The following GREM2 variants were observed in gnomAD, a reference collection of about 807,000 sequenced individuals.
GREM2 encodes the protein gremlin 2, DAN family BMP antagonist, also known as gremlin-2.
A neutral mutation model predicts 14.2 loss-of-function variants in GREM2; 11 were observed. The observed-to-expected ratio is 0.78, with a 90% confidence interval of 0.49 to 1.28. GREM2 has a LOEUF of 1.28. GREM2 is among the 50% of genes most tolerant of loss of function. GREM2 has a pLI of 0.00. For missense variants in GREM2, 210 were observed against 218.5 expected (o/e 0.96, Z 0.24); for synonymous variants, 98 against 97.6 (o/e 1.00, Z -0.02).
At chr1:240,586,388 G>A (rs578247264) in intron 1 of GREM2, among the ~76,000 whole-genome samples, 1 of 152,146 alleles carries the variant, frequency 6.6e-6, no homozygotes, top group African/African-American at 2.4e-5. Flanking sequence ...TCCTTTCTCT[G>A]TGAAGAACAA....
chr1:240,608,014 G>A lies in GREM2; in HGVS notation c.-2+3870C>T, dbSNP rs537007694. On this transcript the variant is annotated intron_variant, in intron 1 of 1. Transcript: ENST00000318160. ...GCAACCATACTGTTGATGATTAATT[G>A]TTATTATCTTATAATTATACAAAGA... Among the ~76,000 whole-genome samples, 137 of 152,294 alleles carry A rather than the reference G, an allele frequency of 9.0e-4. 4 individuals carry two copies. The South Asian group carries it at 0.019, about 21-fold the overall frequency.
intron 1 of GREM2, among the ~76,000 whole-genome samples, chr1:240,544,405 C>T (rs1177543108): frequency 1.3e-5 from 2 of 152,094 alleles, no homozygotes; most frequent in Non-Finnish European, 1.5e-5. Flanking sequence ...CCTTGGCCTC[C>T]CAAAGTGCTG....
At chr1:240,578,849 T>A (rs1572407933) in intron 1 of GREM2, among the ~76,000 whole-genome samples, 1 of 151,954 alleles carries the variant, frequency 6.6e-6, no homozygotes, top group African/African-American at 2.4e-5. Context: ...TTCAAGACTC[T>A]TCAGTAGACC....
intron 1 of GREM2, among the ~76,000 whole-genome samples, chr1:240,563,067 A>ATG (rs565407209): frequency 3.6e-5 from 5 of 140,578 alleles, no homozygotes; most frequent in African/African-American, 1.1e-4. Flanking sequence ...GTGAGTGTGT[A>ATG]TGTGTGTATA....
chr1:240,512,651 A>G (rs868098497), intron 1 of GREM2, among the ~76,000 whole-genome samples: 2 of 152,346 alleles, frequency 1.3e-5, no homozygotes, highest in Middle Eastern at 6.8e-3. Flanking sequence ...AAAAAACGAT[A>G]AAAGCAATAT....
At chr1:240,594,195 C>T (rs1315439607) in intron 1 of GREM2, among the ~76,000 whole-genome samples, 2 of 152,082 alleles carry the variant, frequency 1.3e-5, no homozygotes, top group South Asian at 2.1e-4. Context: ...CTCAAGTGAT[C>T]CTCCTGCCTT....
intron 1 of GREM2, among the ~76,000 whole-genome samples, chr1:240,587,934 C>G (rs1371735613): frequency 6.6e-6 from 1 of 152,110 alleles, no homozygotes; most frequent in African/African-American, 2.4e-5. Flanking sequence ...CTTACCATTT[C>G]TGTGCCCTCC....
intron 1 of GREM2, among the ~76,000 whole-genome samples, chr1:240,534,945 C>T (rs4587552): frequency 0.92 from 140,595 of 152,074 alleles, 65,002 homozygotes; most frequent in East Asian, 0.95. Flanking sequence ...CACAGCAGGA[C>T]GAGTGGGTCT....
At position 240,490,820 on chromosome 1, in the gene GREM2, G is replaced by T. The variant is rs1048124310; in HGVS notation, c.*2149C>A. On this transcript the variant is annotated 3_prime_UTR_variant, in exon 2 of 2. Transcript: ENST00000318160. The stretch of plus-strand genomic sequence containing the variant: ...ATGATAGGGGTTGGCTCTGCAGCTG[G>T]TCAGAGACTCTCCTCCACTCACCTC... The T allele has an allele frequency of 2.2e-4, 33 of 152,118 alleles. No homozygotes were observed. The highest frequency in any genetic ancestry group is 8.0e-4 in the African/African-American group (33 of 41,410). 9.4% of individuals were successfully genotyped at this position (152,118 alleles called of 1,614,324 possible).
At position 240,549,301 on chromosome 1, in the gene GREM2, A is replaced by T. The variant is rs141034461; in HGVS notation, c.-1-55825T>A. Among the ~76,000 whole-genome samples, 1,358 of 150,640 alleles carry T rather than the reference A, an allele frequency of 9.0e-3. 20 individuals are homozygous for T. The highest frequency in any genetic ancestry group is 0.032 in the African/African-American group (1,293 of 40,846). ...CGGTGAGCCAAGATCACACCATTACACTCTAGCCTGGGCAACAAGAGAGAA... is the reference window on the plus strand; with the variant it reads ...CGGTGAGCCAAGATCACACCATTACTCTCTAGCCTGGGCAACAAGAGAGAA... On this transcript the variant is annotated intron_variant, in intron 1 of 1. Coordinates refer to ENST00000318160, the MANE Select transcript of GREM2 (RefSeq NM_022469.4).
intron 1 of GREM2, among the ~76,000 whole-genome samples, chr1:240,551,134 C>T (rs1455954229): frequency 6.6e-6 from 1 of 152,096 alleles, no homozygotes; most frequent in African/African-American, 2.4e-5. Flanking sequence ...GGAGCTGATC[C>T]AAGCACAGAG....
At chr1:240,514,899 C>A (rs1462866008) in intron 1 of GREM2, among the ~76,000 whole-genome samples, 1 of 151,982 alleles carries the variant, frequency 6.6e-6, no homozygotes, top group Non-Finnish European at 1.5e-5. Flanking sequence ...AGCCTCTGTG[C>A]CTCTGCACTC....
intron 1 of GREM2, among the ~76,000 whole-genome samples, chr1:240,582,562 G>C (rs767464900): frequency 2.0e-5 from 3 of 151,968 alleles, no homozygotes; most frequent in African/African-American, 7.3e-5. Flanking sequence ...TTGGGAGGCC[G>C]AGACAGGTGG....
intron 1 of GREM2, among the ~76,000 whole-genome samples, chr1:240,576,544 A>G (rs1679377560): frequency 6.6e-6 from 1 of 152,180 alleles, no homozygotes; most frequent in South Asian, 2.1e-4. Flanking sequence ...CCATGAAACC[A>G]CACAAGGAGT....
intron 1 of GREM2, among the ~76,000 whole-genome samples, chr1:240,521,938 C>G (rs1276446540): frequency 1.3e-5 from 2 of 151,568 alleles, no homozygotes; most frequent in Non-Finnish European, 2.9e-5. Context: ...ATGGTGAAAC[C>G]CCATCTCTAC....
intron 1 of GREM2, among the ~76,000 whole-genome samples, chr1:240,539,987 G>A (rs1337158651): frequency 6.6e-6 from 1 of 152,154 alleles, no homozygotes; most frequent in East Asian, 1.9e-4. Flanking sequence ...TATTGAGTAT[G>A]AGGGCTGCGG....
intron 1 of GREM2, among the ~76,000 whole-genome samples, chr1:240,494,434 AGATG>A (rs1677358668): frequency 6.6e-6 from 1 of 152,260 alleles, no homozygotes; most frequent in Non-Finnish European, 1.5e-5. Flanking sequence ...AGTAGAGAGA[AGATG>A]GGTGTCGTTC....
At chr1:240,554,882 G>A (rs972324945) in intron 1 of GREM2, among the ~76,000 whole-genome samples, 16 of 152,066 alleles carry the variant, frequency 1.1e-4, no homozygotes, top group Admixed American at 7.9e-4. Context: ...GGTGGCTCAC[G>A]CCTGTAATTC....
chr1:240,568,924 A>C (rs1002945618), intron 1 of GREM2, among the ~76,000 whole-genome samples: 1 of 152,096 alleles, frequency 6.6e-6, no homozygotes, highest in Admixed American at 6.6e-5. Flanking sequence ...AGTAGCTCAC[A>C]CCTGTAATCC....
Sources: allele counts gnomAD v4.1 joint callset (sites outside exome capture counted in the v4.1 genomes callset), GRCh38; gene constraint gnomAD v4.1.1; transcripts MANE v1.5; gene names NCBI Gene and HGNC (gene_info 2026-07-23, HGNC 2026-07-21).